Variants in DHRSX observed in about 807,000 individuals in gnomAD.
DHRSX encodes the protein dehydrogenase/reductase X-linked.
DHRSX carries 31 observed loss-of-function variants against 34.0 expected under a neutral mutation model. That is an observed-to-expected ratio of 0.91 (90% CI 0.69 to 1.23). The LOEUF (loss-of-function observed/expected upper bound fraction) is 1.23, where lower values mean the gene tolerates loss of function less well. Among genes scored for constraint, DHRSX ranks in the 50% most tolerant of loss-of-function variants. The pLI is 0.00. For synonymous variants in DHRSX, 201 were observed against 183.8 expected (o/e 1.09, Z -0.76); for missense variants, 414 against 428.1 (o/e 0.97, Z 0.29).
intron 6 of DHRSX, among the ~76,000 whole-genome samples, chrX:2,223,717 T>C (rs2015572716): frequency 6.6e-6 from 1 of 152,144 alleles, no homozygotes; most frequent in Non-Finnish European, 1.5e-5. Flanking sequence ...AAAGAGGTTT[T>C]ATTGATCTGT....
chrX:2,336,856 G>GATAC (rs2042573730), intron 3 of DHRSX, among the ~76,000 whole-genome samples: 1 of 151,988 alleles, frequency 6.6e-6, no homozygotes, highest in Admixed American at 6.6e-5. Context: ...GATATAGATA[G>GATAC]ATAGATTTAT....
intron 3 of DHRSX, among the ~76,000 whole-genome samples, chrX:2,311,271 GGA>G: frequency 6.6e-6 from 1 of 152,078 alleles, no homozygotes; most frequent in South Asian, 2.1e-4. Flanking sequence ...AGAGAGATGG[GGA>G]GAGAGCTGCC....
intron 1 of DHRSX, among the ~76,000 whole-genome samples, chrX:2,492,267 A>G (rs2045170734): frequency 6.6e-6 from 1 of 152,076 alleles, no homozygotes; most frequent in South Asian, 2.1e-4. Context: ...TCCTAAATGC[A>G]GTGACCAGTG....
At chrX:2,303,586 C>A (rs1317339775) in intron 3 of DHRSX, among the ~76,000 whole-genome samples, 1 of 152,088 alleles carries the variant, frequency 6.6e-6, no homozygotes, top group Non-Finnish European at 1.5e-5. Flanking sequence ...GAACCATGAG[C>A]CAATTAAACC....
At chrX:2,425,158 GA>G (rs747219148) in intron 2 of DHRSX, 38 bp downstream of exon 2, 6 of 1,480,566 alleles carry the variant, frequency 4.1e-6, no homozygotes, top group Non-Finnish European at 5.5e-6. Context: ...AAAAAAAACC[GA>G]AAAAACAAAA....
At chrX:2,489,812 A>C in intron 1 of DHRSX, 1 of 1,613,578 alleles carries the variant, frequency 6.2e-7, no homozygotes, top group Non-Finnish European at 8.5e-7. Context: ...CGGGAGCTGG[A>C]AGGCCTGCTG....
At chrX:2,311,075 AAGAG>A (rs1160827912) in intron 3 of DHRSX, among the ~76,000 whole-genome samples, 1 of 145,388 alleles carries the variant, frequency 6.9e-6, no homozygotes, top group African/African-American at 2.5e-5. Context: ...AAAAAAAAAA[AAGAG>A]AGACAGAAGG....
At chrX:2,415,065 C>G (rs1455638405) in intron 2 of DHRSX, among the ~76,000 whole-genome samples, 2 of 151,922 alleles carry the variant, frequency 1.3e-5, no homozygotes, top group Non-Finnish European at 2.9e-5. Context: ...CCCATTATAA[C>G]TTAATCCAAC....
chrX:2,291,767 G>A (rs1395918149), intron 3 of DHRSX, among the ~76,000 whole-genome samples, 164 bp from the exon 4 acceptor site: 1 of 151,974 alleles, frequency 6.6e-6, no homozygotes, highest in Non-Finnish European at 1.5e-5. Flanking sequence ...GGGCTGGAGT[G>A]CTGTGGCAGG....
At chrX:2,294,161 CAAAG>C (rs1332038234) in intron 3 of DHRSX, among the ~76,000 whole-genome samples, 1 of 151,636 alleles carries the variant, frequency 6.6e-6, no homozygotes, top group African/African-American at 2.4e-5. Flanking sequence ...GAGATAAAGA[CAAAG>C]AGACACAGTG....
chrX:2,222,850 G>A (rs1051968820), intron 6 of DHRSX, among the ~76,000 whole-genome samples: 6 of 152,182 alleles, frequency 3.9e-5, no homozygotes, highest in East Asian at 1.9e-4. Context: ...CCAGTGTGAC[G>A]TGGAAAGGCA....
At chrX:2,303,583 G>C (rs2042040027) in intron 3 of DHRSX, among the ~76,000 whole-genome samples, 2 of 152,102 alleles carry the variant, frequency 1.3e-5, no homozygotes, top group Non-Finnish European at 2.9e-5. Context: ...GCAGAACCAT[G>C]AGCCAATTAA....
chrX:2,298,616 A>ACACACACACACACACACACGCG (rs1556457300), intron 3 of DHRSX, among the ~76,000 whole-genome samples: 14 of 138,302 alleles, frequency 1.0e-4, no homozygotes, highest in African/African-American at 3.3e-4. Flanking sequence ...ACACACACAC[A>ACACACACACACACACACACGCG]CACACACACA....
intron 1 of DHRSX, among the ~76,000 whole-genome samples, chrX:2,477,915 G>A (rs1309848093): frequency 4.6e-5 from 7 of 151,330 alleles, no homozygotes; most frequent in South Asian, 2.1e-4. Context: ...CTTCCACCCC[G>A]GGCCCGGGAA....
rs370150813 is a variant in DHRSX at position 2,454,914 on chromosome X, A to G, written c.110-29610T>C. ...GATTACCTGAGGTCCGGAGTTCAAG[A>G]CCAGCCTGTCCAACATGGAGAAACC... On this transcript the variant is annotated intron_variant, in intron 1 of 6. Coordinates refer to ENST00000334651, the MANE Select transcript of DHRSX (RefSeq NM_145177.3). Among the ~76,000 whole-genome samples, 7 of 152,008 alleles carry G rather than the reference A, an allele frequency of 4.6e-5. No homozygotes were observed. The East Asian group carries it at 1.2e-3, about 25-fold the overall frequency.
Position 2,350,755 on chromosome X carries a change from C to T in DHRSX, c.286+57990G>A, listed in dbSNP as rs779210292. Among the ~76,000 whole-genome samples the T allele has an allele frequency of 8.2e-4, 124 of 152,032 alleles. 1 individual carries two copies. The highest frequency in any genetic ancestry group is 1.4e-3 in the Non-Finnish European group (92 of 67,998). ...GTGGCTCTCATGGTAAGCGTTTGAC[C>T]GTGATAAAATAAAAATTTCAACACG... On this transcript the variant is annotated intron_variant, in intron 3 of 6. Coordinates refer to ENST00000334651, the MANE Select transcript of DHRSX (RefSeq NM_145177.3).
At chrX:2,411,704 G>A (rs1454189208) in intron 2 of DHRSX, among the ~76,000 whole-genome samples, 1 of 151,778 alleles carries the variant, frequency 6.6e-6, no homozygotes, top group Non-Finnish European at 1.5e-5. Flanking sequence ...TCCAGCCTGG[G>A]CAACACAGCG....
chrX:2,399,182 C>T (rs772888123), intron 3 of DHRSX, among the ~76,000 whole-genome samples: 8 of 152,112 alleles, frequency 5.3e-5, no homozygotes, highest in Non-Finnish European at 8.8e-5. Flanking sequence ...ATGAGACCTG[C>T]GAGGACCAAT....
At chrX:2,474,484 C>T (rs1356443606) in intron 1 of DHRSX, among the ~76,000 whole-genome samples, 7 of 148,784 alleles carry the variant, frequency 4.7e-5, no homozygotes, top group East Asian at 4.1e-4. Context: ...GCACTGAAGA[C>T]GCTCCCTAAG....
Sources: gnomAD v4.1 joint callset for allele counts (sites outside exome capture counted in the v4.1 genomes callset) on GRCh38, gnomAD v4.1.1 for gene constraint, MANE v1.5 for transcripts, NCBI Gene and HGNC (gene_info 2026-07-23, HGNC 2026-07-21) for gene names.